Variants in ATXN7L1 observed in about 807,000 individuals in gnomAD.
ATXN7L1 encodes the protein ataxin 7 like 1, also known as ataxin-7-like protein 1.
A neutral mutation model predicts 70.8 loss-of-function variants in ATXN7L1; 15 were observed. That is an observed-to-expected ratio of 0.21 (90% CI 0.14 to 0.33). The LOEUF (loss-of-function observed/expected upper bound fraction) is 0.33. Among genes scored for constraint, ATXN7L1 ranks in the 10% least tolerant of loss-of-function variants. ATXN7L1 has a pLI of 1.00. For synonymous variants in ATXN7L1, 440 were observed against 445.1 expected (o/e 0.99, Z 0.14); for missense variants, 975 against 1,097.1 (o/e 0.89, Z 1.57).
intron 3 of ATXN7L1, among the ~76,000 whole-genome samples, chr7:105,711,836 G>T (rs961472466): frequency 4.6e-5 from 7 of 152,240 alleles, no homozygotes; most frequent in African/African-American, 1.7e-4. Flanking sequence ...GCCCCAGTGC[G>T]GACTTTGTGT....
intron 2 of ATXN7L1, among the ~76,000 whole-genome samples, chr7:105,811,066 T>C (rs1478360947): frequency 6.6e-6 from 1 of 152,148 alleles, no homozygotes; most frequent in Non-Finnish European, 1.5e-5. Flanking sequence ...TGAAAAGATA[T>C]GGTGAAGTCC....
intron 3 of ATXN7L1, among the ~76,000 whole-genome samples, chr7:105,669,549 A>G (rs1398441022): frequency 6.6e-6 from 1 of 152,226 alleles, no homozygotes; most frequent in Non-Finnish European, 1.5e-5. Context: ...GTGAAACTGA[A>G]TTAAATCAGA....
intron 4 of ATXN7L1, among the ~76,000 whole-genome samples, chr7:105,658,937 G>C (rs933048643): frequency 2.6e-5 from 4 of 152,198 alleles, no homozygotes; most frequent in African/African-American, 7.2e-5. Flanking sequence ...AGGAGTTCAA[G>C]ACCAGGCTGG....
chr7:105,768,086 C>T (rs1032430953), intron 3 of ATXN7L1, among the ~76,000 whole-genome samples: 4 of 152,238 alleles, frequency 2.6e-5, no homozygotes, highest in Non-Finnish European at 5.9e-5. Context: ...CTGGCCCCCT[C>T]TCCTCAAACC....
intron 2 of ATXN7L1, among the ~76,000 whole-genome samples, chr7:105,808,871 GT>G (rs764570193): frequency 6.6e-6 from 1 of 152,304 alleles, no homozygotes. Context: ...TGGTTCTTTT[GT>G]TTACTCCCCC....
At position 105,614,456 on chromosome 7, in the gene ATXN7L1, G is replaced by A. The variant is rs202073608; in HGVS notation, c.1878C>T (p.Ser626=). 1.9e-4 allele frequency: 290 copies of A among 1,540,460 alleles called. No homozygotes were observed. Among genetic ancestry groups the A allele is most frequent in the Non-Finnish European group, 2.4e-4 (272 of 1,140,680 alleles). The part of the protein sequence containing the change: ...HKPSKTKTSK[S]SKVKDLSTRS... ...GGGTGGACAGGTCTTTGACTTTTGA[G>A]GATTTGCTGGTTTTGGTTTTGGATG... Residue 626 remains serine (S), a synonymous_variant, in exon 10 of 12, where the codon TCC becomes TCT. Coordinates refer to ENST00000419735, the MANE Select transcript of ATXN7L1 (RefSeq NM_020725.2). The surrounding 1 kb of genome is among the most constrained non-coding windows in gnomAD (Gnocchi z 4.3).
chr7:105,786,834 C>T (rs1258112113), intron 3 of ATXN7L1, among the ~76,000 whole-genome samples: 1 of 152,150 alleles, frequency 6.6e-6, no homozygotes, highest in East Asian at 1.9e-4. Flanking sequence ...GTTTTGATGG[C>T]TTACAATAGA....
chr7:105,843,216 C>T (rs1473723024), intron 2 of ATXN7L1, among the ~76,000 whole-genome samples: 1 of 152,158 alleles, frequency 6.6e-6, no homozygotes, highest in Non-Finnish European at 1.5e-5. Flanking sequence ...AAGGCTGCAC[C>T]AGCTCACAAA....
At chr7:105,616,332 A>C (rs139208731) in intron 9 of ATXN7L1, among the ~76,000 whole-genome samples, 5 of 152,284 alleles carry the variant, frequency 3.3e-5, no homozygotes, top group African/African-American at 1.2e-4. Flanking sequence ...CTGAGAGATA[A>C]ATGTCTCTCC....
rs1792694932 is a variant in ATXN7L1 at position 105,605,042 on chromosome 7, C to CTTTTTCTTTT, written c.*2809_*2810insAAAAGAAAAA. On this transcript the variant is annotated 3_prime_UTR_variant, in exon 12 of 12. Transcript: ENST00000419735. Reference sequence around the variant, plus strand: ...GAAGGCATACAAGTTATCCAAGTCGCTTTTTTTTTTTTTTTTTTTTTTTTA... The same window carrying CTTTTTCTTTT: ...GAAGGCATACAAGTTATCCAAGTCGCTTTTTCTTTTTTTTTTTTTTTTTTTTTTTTTTTTA... 3 of 71,558 alleles carry CTTTTTCTTTT rather than the reference C, an allele frequency of 4.2e-5. No homozygotes were observed. The highest frequency in any genetic ancestry group is 6.7e-4 in the South Asian group (1 of 1,496). 4.4% of individuals were successfully genotyped at this position (71,558 alleles called of 1,614,324 possible). A position where few individuals can be genotyped will look rare whatever the true frequency, so the allele number is the denominator to read the frequency against.
At chr7:105,736,815 G>A (rs1797430605) in intron 3 of ATXN7L1, among the ~76,000 whole-genome samples, 1 of 152,222 alleles carries the variant, frequency 6.6e-6, no homozygotes, top group Admixed American at 6.5e-5. Flanking sequence ...TTTAAAGCAA[G>A]TACATGTTGT....
At chr7:105,855,573 C>A (rs1815607781) in intron 2 of ATXN7L1, among the ~76,000 whole-genome samples, 1 of 152,066 alleles carries the variant, frequency 6.6e-6, no homozygotes, top group African/African-American at 2.4e-5. Flanking sequence ...CAAATCAGGG[C>A]ATGATTTATT....
intron 3 of ATXN7L1, among the ~76,000 whole-genome samples, chr7:105,763,947 G>A (rs572680652): frequency 1.3e-4 from 20 of 152,054 alleles, no homozygotes; most frequent in African/African-American, 4.3e-4. Flanking sequence ...TCCGCCTCTC[G>A]GGTTCAAGTG....
intron 3 of ATXN7L1, among the ~76,000 whole-genome samples, chr7:105,759,204 C>A (rs16871986): frequency 0.11 from 16,504 of 144,304 alleles, 1,223 homozygotes; most frequent in East Asian, 0.41. Context: ...TTATCAGCCA[C>A]GTTTGGAGTA....
At chr7:105,863,676 T>C (rs987174608) in intron 2 of ATXN7L1, among the ~76,000 whole-genome samples, 15 of 152,178 alleles carry the variant, frequency 9.9e-5, no homozygotes, top group Admixed American at 3.9e-4. Flanking sequence ...TCCCCAGCTA[T>C]GTTACCTTGG....
At chr7:105,745,559 G>A (rs1221511281) in intron 3 of ATXN7L1, among the ~76,000 whole-genome samples, 2 of 152,200 alleles carry the variant, frequency 1.3e-5, no homozygotes, top group African/African-American at 2.4e-5. Flanking sequence ...AGGGGTCCAC[G>A]GCTGTTGTCA....
intron 3 of ATXN7L1, among the ~76,000 whole-genome samples, chr7:105,679,708 A>C (rs1296169251): frequency 6.6e-6 from 1 of 152,132 alleles, no homozygotes; most frequent in East Asian, 1.9e-4. Flanking sequence ...GCCACACGTT[A>C]TATGAAATGT....
intron 3 of ATXN7L1, among the ~76,000 whole-genome samples, chr7:105,709,202 C>A (rs926238639): frequency 2.6e-5 from 4 of 152,020 alleles, no homozygotes; most frequent in Admixed American, 1.3e-4. Context: ...GGCATGGTGG[C>A]GGGCGCCTAT....
intron 2 of ATXN7L1, among the ~76,000 whole-genome samples, chr7:105,799,496 G>A (rs574941721): frequency 2.2e-5 from 1 of 44,966 alleles, no homozygotes; most frequent in African/African-American, 9.4e-5. Context: ...ACTGGCCATG[G>A]TGGGCGAGAG....
Sources: allele counts gnomAD v4.1 joint callset (sites outside exome capture counted in the v4.1 genomes callset), GRCh38; gene constraint gnomAD v4.1.1; non-coding constraint Gnocchi (gnomAD v3.1); transcripts MANE v1.5; gene names NCBI Gene and HGNC (gene_info 2026-07-23, HGNC 2026-07-21).